PCDHGA11: variants seen among roughly 807,000 people sequenced by gnomAD.
PCDHGA11 encodes the protein protocadherin gamma-A11.
In PCDHGA11, 39 loss-of-function variants were observed where a neutral mutation model predicts 60.4. The observed-to-expected ratio is 0.65, with a 90% confidence interval of 0.50 to 0.84. PCDHGA11 has a LOEUF of 0.84. Among genes scored for constraint, PCDHGA11 ranks in the 40% least tolerant of loss-of-function variants. The pLI is 0.00. For synonymous variants in PCDHGA11, 533 were observed against 510.3 expected (o/e 1.04, Z -0.60); for missense variants, 1,165 against 1,197.7 (o/e 0.97, Z 0.40).
At chr5:141,506,119 G>T (rs1171566108) in intron 3 of PCDHGA11, among the ~76,000 whole-genome samples, 1 of 152,106 alleles carries the variant, frequency 6.6e-6, no homozygotes, top group African/African-American at 2.4e-5. Context: ...AGTCACTAGG[G>T]CCCAGAGCAG....
Position 141,432,089 on chromosome 5 carries a change from G to A in PCDHGA11, c.2433+8429G>A, listed in dbSNP as rs1325165974. On this transcript the variant is annotated intron_variant, in intron 1 of 3. Transcript: ENST00000398587. The surrounding 1 kb of genome is among the most constrained non-coding windows in gnomAD (Gnocchi z 6.0). Reference sequence around the variant, plus strand: ...AACTCATATCTCGCTGAACGTGGCAGACACCAACGACAACCCGCCGGTCTT... The same window carrying A: ...AACTCATATCTCGCTGAACGTGGCAAACACCAACGACAACCCGCCGGTCTT... The A allele has an allele frequency of 6.2e-7, 1 of 1,614,046 alleles. No homozygotes were observed. Among genetic ancestry groups the A allele is most frequent in the Non-Finnish European group, 8.5e-7 (1 of 1,180,052 alleles).
chr5:141,434,174 C>T (rs1310074584), intron 1 of PCDHGA11, among the ~76,000 whole-genome samples: 1 of 152,132 alleles, frequency 6.6e-6, no homozygotes, highest in Non-Finnish European at 1.5e-5. Flanking sequence ...GGGATTATAT[C>T]CAAGATTTGT....
intron 1 of PCDHGA11, among the ~76,000 whole-genome samples, chr5:141,434,285 T>G (rs1358981946): frequency 6.6e-6 from 1 of 152,232 alleles, no homozygotes; most frequent in Non-Finnish European, 1.5e-5. Context: ...GTATTCTCTG[T>G]TTTTCCTGTA....
At position 141,485,379 on chromosome 5, in the gene PCDHGA11, A is replaced by G. The variant is rs749607481; in HGVS notation, c.2434-9428A>G. 12 of 1,613,934 alleles carry G rather than the reference A, an allele frequency of 7.4e-6. No homozygotes were observed. In the Admixed American group the frequency reaches 1.8e-4, roughly 25 times the overall value. The stretch of plus-strand genomic sequence containing the variant: ...GCTCGCAGGCTGCAGGTCGCTGGAG[A>G]GGTGAACCAAAGACACTTCCGTGTG... On this transcript the variant is annotated intron_variant, in intron 1 of 3. Coordinates refer to ENST00000398587, the MANE Select transcript of PCDHGA11 (RefSeq NM_018914.3). This position sits in a 1 kb window ranked among gnomAD's most constrained non-coding sequence, Gnocchi z 5.7.
At chr5:141,460,616 TAGAC>T (rs533223594) in intron 1 of PCDHGA11, among the ~76,000 whole-genome samples, 44 of 152,232 alleles carry the variant, frequency 2.9e-4, no homozygotes, top group Middle Eastern at 3.4e-3. Context: ...GATGGATAGA[TAGAC>T]AGATACAGAT....
rs777537045 is a variant in PCDHGA11 at position 141,490,191 on chromosome 5, A to T, written c.2434-4616A>T. The T allele has an allele frequency of 6.2e-7, 1 of 1,614,176 alleles. No homozygotes were observed. The highest frequency in any genetic ancestry group is 1.1e-5 in the South Asian group (1 of 91,082). On this transcript the variant is annotated intron_variant, in intron 1 of 3. Coordinates refer to ENST00000398587, the MANE Select transcript of PCDHGA11 (RefSeq NM_018914.3). The surrounding 1 kb of genome is among the most constrained non-coding windows in gnomAD (Gnocchi z 5.4). ...ACTTTGAGGAGTCACGTTTCTATGA[A>T]ATTCATGCAAGAGCCCGTGACCAGG...
intron 1 of PCDHGA11, among the ~76,000 whole-genome samples, chr5:141,449,708 A>G (rs2098652470): frequency 6.6e-6 from 1 of 151,418 alleles, no homozygotes; most frequent in African/African-American, 2.4e-5. Context: ...CAAACACATT[A>G]TTTTTATATG....
chr5:141,481,691 C>G (rs929210528), intron 1 of PCDHGA11, among the ~76,000 whole-genome samples: 3 of 152,080 alleles, frequency 2.0e-5, no homozygotes, highest in African/African-American at 4.8e-5. Context: ...TGGTGGCTCA[C>G]GCCTGTAATC....
rs2099687715 is a variant in PCDHGA11, at chr5:141,489,479, T to G, written c.2434-5328T>G. 1.2e-6 allele frequency: 2 copies of G among 1,614,090 alleles called. No individual in the cohort carries two copies. The highest frequency in any genetic ancestry group is 1.7e-6 in the Non-Finnish European group (2 of 1,180,010). ...GGGCGCTATTTTTCCCTGAGCTTGATGAGTGGTGCCCTGGCAGTGAATCAA... is the reference window on the plus strand; with the variant it reads ...GGGCGCTATTTTTCCCTGAGCTTGAGGAGTGGTGCCCTGGCAGTGAATCAA... On this transcript the variant is annotated intron_variant, in intron 1 of 3. Transcript: ENST00000398587. This position sits in a 1 kb window ranked among gnomAD's most constrained non-coding sequence, Gnocchi z 4.5.
chr5:141,481,646 C>T (rs1425216422), intron 1 of PCDHGA11, among the ~76,000 whole-genome samples: 1 of 151,950 alleles, frequency 6.6e-6, no homozygotes, highest in African/African-American at 2.4e-5. Flanking sequence ...GGTGAAACTT[C>T]ATCTCTACTA....
rs139156138 is a variant in PCDHGA11 at position 141,472,179 on chromosome 5, T to C, written c.2434-22628T>C. 5.1e-4 allele frequency among the ~76,000 whole-genome samples: 77 copies of C among 152,246 alleles called. 4 individuals are homozygous for C. The East Asian group carries it at 0.014, about 27-fold the overall frequency. On this transcript the variant is annotated intron_variant, in intron 1 of 3. Coordinates refer to ENST00000398587, the MANE Select transcript of PCDHGA11 (RefSeq NM_018914.3). ...TAGCTACTAGGTGTAATATCCAGTATTGGAATTTGAATCTTTTTGACACTA... is the reference window on the plus strand; with the variant it reads ...TAGCTACTAGGTGTAATATCCAGTACTGGAATTTGAATCTTTTTGACACTA...
rs1225265096 is a variant in PCDHGA11 at position 141,490,666 on chromosome 5, G to A, written c.2434-4141G>A. Reference sequence around the variant, plus strand: ...GCCTCCGGGCTCCCTTCTTTGCACTGTGGCTGCCTCAGATCCAGACACTGG... The same window carrying A: ...GCCTCCGGGCTCCCTTCTTTGCACTATGGCTGCCTCAGATCCAGACACTGG... On this transcript the variant is annotated intron_variant, in intron 1 of 3. Coordinates refer to ENST00000398587, the MANE Select transcript of PCDHGA11 (RefSeq NM_018914.3). The surrounding 1 kb of genome is among the most constrained non-coding windows in gnomAD (Gnocchi z 5.4). The A allele has an allele frequency of 1.2e-6, 2 of 1,614,134 alleles. No homozygotes were observed. The highest frequency in any genetic ancestry group is 3.3e-5 in the Admixed American group (2 of 60,026).
At chr5:141,479,740 C>T (rs1434967266) in intron 1 of PCDHGA11, 1 of 152,168 alleles carries the variant, frequency 6.6e-6, no homozygotes, top group Non-Finnish European at 1.5e-5. Context: ...AGTATATGCA[C>T]AATGTGAAAG....
In PCDHGA11 at chr5:141,430,862, G is replaced by A. The variant is rs1365140768; in HGVS notation, c.2433+7202G>A. ...CGGATGCACCCAGATACGCTATTCA[G>A]TTCCGGAAGAGCTGGAGAAAGGCTC... is the stretch of plus-strand genomic sequence containing the variant. On this transcript the variant is annotated intron_variant, in intron 1 of 3. Transcript: ENST00000398587. 3 of 1,594,672 alleles carry A rather than the reference G, an allele frequency of 1.9e-6. No individual in the cohort carries two copies. The African/African-American group carries it at 4.0e-5, about 21-fold the overall frequency.
intron 1 of PCDHGA11, among the ~76,000 whole-genome samples, chr5:141,472,357 C>T (rs1020143523): frequency 2.4e-4 from 37 of 152,012 alleles, no homozygotes; most frequent in Non-Finnish European, 1.5e-4. Context: ...CTGGCTAACA[C>T]GGTGAAACCC....
In PCDHGA11 at chr5:141,486,397, G is replaced by T; in HGVS notation, c.2434-8410G>T. 6.2e-7 allele frequency: 1 copy of T among 1,614,164 alleles called. No individual in the cohort carries two copies. Among genetic ancestry groups the T allele is most frequent in the East Asian group, 2.2e-5 (1 of 44,872 alleles). On this transcript the variant is annotated intron_variant, in intron 1 of 3. Coordinates refer to ENST00000398587, the MANE Select transcript of PCDHGA11 (RefSeq NM_018914.3). The surrounding 1 kb of genome is among the most constrained non-coding windows in gnomAD (Gnocchi z 5.0). ...CCTTCAGGAACCAGTTCTCCCTGGTGACTGCTGGACCCTTGGATCGAGAGG... is the reference window on the plus strand; with the variant it reads ...CCTTCAGGAACCAGTTCTCCCTGGTTACTGCTGGACCCTTGGATCGAGAGG...
chr5:141,428,479 T>A (rs577865239), intron 1 of PCDHGA11: 1 of 328,682 alleles, frequency 3.0e-6, no homozygotes, highest in African/African-American at 2.1e-5. Flanking sequence ...TTTGCTTTAT[T>A]CCTGCAATCT....
intron 1 of PCDHGA11, among the ~76,000 whole-genome samples, chr5:141,453,322 G>A (rs897661534): frequency 6.6e-6 from 1 of 151,544 alleles, no homozygotes; most frequent in Non-Finnish European, 1.5e-5. Flanking sequence ...TTTTAGAGAT[G>A]GGGTCTCACT....
intron 1 of PCDHGA11, 96 bp from the exon 2 acceptor site, chr5:141,494,711 A>G (rs757105958): frequency 6.3e-7 from 1 of 1,599,616 alleles, no homozygotes; most frequent in Non-Finnish European, 8.5e-7. Flanking sequence ...CTCTGTGCCC[A>G]CTCCCCTCCT....
Sources: gnomAD v4.1 joint callset for allele counts (sites outside exome capture counted in the v4.1 genomes callset) on GRCh38, gnomAD v4.1.1 for gene constraint, Gnocchi (gnomAD v3.1) non-coding constraint, MANE v1.5 for transcripts, NCBI Gene and HGNC (gene_info 2026-07-23, HGNC 2026-07-21) for gene names.